UGT1A4: variants seen among roughly 807,000 people sequenced by gnomAD.
UGT1A4 encodes the protein UDP glucuronosyltransferase family 1 member A4, also known as UDP-glucuronosyltransferase 1A4.
In UGT1A4, 32 loss-of-function variants were observed where a neutral mutation model predicts 41.1. That is an observed-to-expected ratio of 0.78 (90% confidence interval 0.59 to 1.05). The LOEUF is 1.05. UGT1A4 is among the 50% of genes least tolerant of loss of function. The probability of loss-of-function intolerance (pLI) is 0.00; values close to 1 mark genes in which losing one functional copy is unlikely to be tolerated. For synonymous variants in UGT1A4, 283 were observed against 265.1 expected (o/e 1.07, Z -0.66); for missense variants, 748 against 677.4 (o/e 1.10, Z -1.16).
intron 1 of UGT1A4, among the ~76,000 whole-genome samples, chr2:233,759,797 C>T (rs1216409236): frequency 1.3e-5 from 2 of 152,262 alleles, no homozygotes; most frequent in East Asian, 3.9e-4. Flanking sequence ...ACACATGATA[C>T]AAGTGAGCAG....
rs11902620 is a variant in UGT1A4, at chr2:233,737,991, T to C, written c.867+18304T>C. Among the ~76,000 whole-genome samples, 1,168 of 152,178 alleles carry C rather than the reference T, an allele frequency of 7.7e-3. 15 individuals carry two copies. The highest frequency in any genetic ancestry group is 0.027 in the African/African-American group (1,127 of 41,508). Reference sequence around the variant, plus strand: ...AGATTTAATATGGTTTGGCTCTGTGTCCCCCACCAAATCTCATCTTGAATT... The same window carrying C: ...AGATTTAATATGGTTTGGCTCTGTGCCCCCCACCAAATCTCATCTTGAATT... On this transcript the variant is annotated intron_variant, in intron 1 of 4. Transcript: ENST00000373409.
At position 233,767,856 on chromosome 2, in the gene UGT1A4, G is replaced by A; in HGVS notation, c.1007G>A (p.Trp336Ter). 1 of 1,614,108 alleles carries A rather than the reference G, an allele frequency of 6.2e-7. No homozygotes were observed. Among genetic ancestry groups the A allele is most frequent in the Admixed American group, 1.7e-5 (1 of 60,022 alleles). The change falls in exon 3 of 5, where the codon TGG becomes TAG. Residue 336 changes from tryptophan (W) to a stop codon, truncating the protein, a stop_gained. Transcript: ENST00000373409. LOFTEE classifies it high-confidence loss of function. ...TCTTTTTGCCCCTCCCAGGTCCTGT[G>A]GCGGTACACTGGAACCCGACCATCG... Reference protein sequence around the residue: ...ALGKIPQTVLWRYTGTRPSNL... With the variant: ...ALGKIPQTVL
At chr2:233,735,658 T>C (rs948195085) in intron 1 of UGT1A4, among the ~76,000 whole-genome samples, 2 of 152,230 alleles carry the variant, frequency 1.3e-5, no homozygotes, top group African/African-American at 2.4e-5. Flanking sequence ...CTGGTGTTTC[T>C]TTCCATGTTT....
intron 1 of UGT1A4, among the ~76,000 whole-genome samples, chr2:233,746,557 T>G (rs1301694420): frequency 6.6e-6 from 1 of 151,810 alleles, no homozygotes; most frequent in Non-Finnish European, 1.5e-5. Flanking sequence ...TCTTAGCCCC[T>G]AGAGCACCAC....
Position 233,767,942 on chromosome 2 carries a change from T to C in UGT1A4, c.1087+6T>C, listed in dbSNP as rs1198417535. The stretch of plus-strand genomic sequence containing the variant: ...ACCCCAAAACGATCTGCTTGGTATG[T>C]TGGGCGGATTGGATGTATAGGTCAA... On this transcript the variant is annotated splice_donor_region_variant and intron_variant, in intron 3 of 4. Transcript: ENST00000373409. The C allele has an allele frequency of 3.7e-6, 6 of 1,614,092 alleles. No individual in the cohort carries two copies. The East Asian group carries it at 1.1e-4, about 30-fold the overall frequency.
At chr2:233,755,104 A>G in intron 1 of UGT1A4, 1 of 1,334,996 alleles carries the variant, frequency 7.5e-7, no homozygotes, top group African/African-American at 1.5e-5. Flanking sequence ...GCGTCCGACA[A>G]CACCTCGTAG....
Position 233,719,603 on chromosome 2 carries a change from T to G in UGT1A4, c.783T>G (p.Phe261Leu), listed in dbSNP as rs138347224. The G allele has an allele frequency of 3.1e-5, 50 of 1,610,688 alleles. No homozygotes were observed. Among genetic ancestry groups the G allele is most frequent in the Non-Finnish European group, 3.7e-5 (44 of 1,177,340 alleles). The stretch of plus-strand genomic sequence containing the variant: ...CCGTGTGGCTGTTCCGAGGGGACTT[T>G]GTGATGGACTACCCCAGGCCGATCA... Reference protein sequence around the residue: ...YASVWLFRGDFVMDYPRPIMP... With the variant: ...YASVWLFRGDLVMDYPRPIMP... The change falls in exon 1 of 5, where the codon TTT (phenylalanine) becomes TTG (leucine). Residue 261 changes from phenylalanine to leucine, a missense_variant. Phe to Leu is a conservative substitution (Grantham distance 22). Transcript: ENST00000373409.
intron 1 of UGT1A4, among the ~76,000 whole-genome samples, chr2:233,721,044 CT>C (rs1475591591): frequency 6.6e-6 from 1 of 151,954 alleles, no homozygotes; most frequent in Non-Finnish European, 1.5e-5. Context: ...GAATTGAGCC[CT>C]TTTTTGTCAT....
chr2:233,762,007 A>G (rs1297893749), intron 1 of UGT1A4, among the ~76,000 whole-genome samples: 1 of 152,144 alleles, frequency 6.6e-6, no homozygotes, highest in African/African-American at 2.4e-5. Flanking sequence ...CTATACCTCC[A>G]ATGTGATTTG....
rs1436464703 is a variant in UGT1A4 at position 233,735,153 on chromosome 2, C to G, written c.867+15466C>G. Among the ~76,000 whole-genome samples the G allele has an allele frequency of 3.9e-5, 6 of 152,130 alleles. No individual in the cohort carries two copies. In the East Asian group the frequency reaches 1.2e-3, roughly 29 times the overall value. ...ATTATTATTGTGTGGGAGTCTAAGT[C>G]TCTGTGTAGGTCTCTAAGAACTTGC... On this transcript the variant is annotated intron_variant, in intron 1 of 4. Coordinates refer to ENST00000373409, the MANE Select transcript of UGT1A4 (RefSeq NM_007120.3).
At chr2:233,721,692 C>T (rs77600287) in intron 1 of UGT1A4, 13,894 of 352,288 alleles carry the variant, frequency 0.039, 386 homozygotes, top group Non-Finnish European at 0.058. Context: ...CTCTGCAAGA[C>T]GCATGGCTCA....
At chr2:233,731,107 A>T (rs1222432137) in intron 1 of UGT1A4, among the ~76,000 whole-genome samples, 4 of 151,962 alleles carry the variant, frequency 2.6e-5, no homozygotes, top group Admixed American at 2.6e-4. Flanking sequence ...CTTTTTTATA[A>T]ATGTAGGTAT....
At chr2:233,744,255 T>C (rs1692752332) in intron 1 of UGT1A4, among the ~76,000 whole-genome samples, 1 of 151,806 alleles carries the variant, frequency 6.6e-6, no homozygotes, top group African/African-American at 2.4e-5. Flanking sequence ...CCTGAAGAAC[T>C]GTTTTTCTTA....
rs574685315 is a variant in UGT1A4 at position 233,731,448 on chromosome 2, A to C, written c.867+11761A>C. Among the ~76,000 whole-genome samples, 490 of 151,900 alleles carry C rather than the reference A, an allele frequency of 3.2e-3. 2 individuals carry two copies. The highest frequency in any genetic ancestry group is 0.01 in the African/African-American group (431 of 41,418). Reference sequence around the variant, plus strand: ...CATCCCTCCCCCAGTCCCCCACCCCACAACAGGCCCTGGCGTGTGATGTTC... The same window carrying C: ...CATCCCTCCCCCAGTCCCCCACCCCCCAACAGGCCCTGGCGTGTGATGTTC... On this transcript the variant is annotated intron_variant, in intron 1 of 4. Coordinates refer to ENST00000373409, the MANE Select transcript of UGT1A4 (RefSeq NM_007120.3).
intron 1 of UGT1A4, among the ~76,000 whole-genome samples, chr2:233,757,801 A>G (rs2125960079): frequency 6.6e-6 from 1 of 151,714 alleles, no homozygotes; most frequent in Non-Finnish European, 1.5e-5. Flanking sequence ...ATGAAAGGAG[A>G]TGAAAGGAGC....
In UGT1A4 at chr2:233,769,947, C is replaced by T. The variant is rs202080312; in HGVS notation, c.1307+1508C>T. On this transcript the variant is annotated intron_variant, in intron 4 of 4. Coordinates refer to ENST00000373409, the MANE Select transcript of UGT1A4 (RefSeq NM_007120.3). The surrounding 1 kb of genome is among the most constrained non-coding windows in gnomAD (Gnocchi z 4.4). ...GTGTGGTCCCATTCCTTCCTTCCAG[C>T]GGCTTCTTCTGGCCACCTCAATGTC... The T allele has an allele frequency of 2.2e-5, 5 of 224,160 alleles. No homozygotes were observed. Among genetic ancestry groups the T allele is most frequent in the Non-Finnish European group, 3.5e-5 (4 of 114,192 alleles). 13.9% of individuals were successfully genotyped at this position (224,160 alleles called of 1,614,324 possible). A position where few individuals can be genotyped will look rare whatever the true frequency, so the allele number is the denominator to read the frequency against.
intron 1 of UGT1A4, among the ~76,000 whole-genome samples, chr2:233,745,730 G>T (rs1693190867): frequency 6.6e-6 from 1 of 150,482 alleles, no homozygotes; most frequent in Non-Finnish European, 1.5e-5. Context: ...GAGGGTAAGA[G>T]GCAGAGGGAG....
chr2:233,743,626 G>T (rs1399385903), intron 1 of UGT1A4: 3 of 1,367,322 alleles, frequency 2.2e-6, no homozygotes, highest in Non-Finnish European at 2.9e-6. Flanking sequence ...TGAAGACGTC[G>T]GCTGGGTCGC....
At chr2:233,740,833 TA>T (rs1691486291) in intron 1 of UGT1A4, 1 of 151,930 alleles carries the variant, frequency 6.6e-6, no homozygotes. Context: ...TGAGACATTT[TA>T]AAAGGAGATT....
Sources: gnomAD v4.1 joint callset for allele counts (sites outside exome capture counted in the v4.1 genomes callset) on GRCh38, gnomAD v4.1.1 for gene constraint, Gnocchi (gnomAD v3.1) non-coding constraint, MANE v1.5 for transcripts, NCBI Gene and HGNC (gene_info 2026-07-23, HGNC 2026-07-21) for gene names.